Variants in CFAP54 observed in about 807,000 individuals in gnomAD.
CFAP54 encodes cilia- and flagella-associated protein 54.
Under a neutral mutation model 370.4 loss-of-function variants are expected in CFAP54, and 290 were observed. That is an observed-to-expected ratio of 0.78 (90% CI 0.71 to 0.86). The LOEUF (loss-of-function observed/expected upper bound fraction) is 0.86. Ranked by LOEUF, CFAP54 falls within the 40% of genes least tolerant of loss-of-function variation. The pLI, the probability that CFAP54 is intolerant of heterozygous loss-of-function variation, is 0.00. For missense variants in CFAP54, 3,399 were observed against 3,528.7 expected (o/e 0.96, Z 0.93); for synonymous variants, 1,206 against 1,236.5 (o/e 0.98, Z 0.52).
At chr12:96,750,162 C>G (rs116235211) in intron 55 of CFAP54, among the ~76,000 whole-genome samples, 2,580 of 152,246 alleles carry the variant, frequency 0.017, 84 homozygotes, top group African/African-American at 0.06. Context: ...GGATGCTGTC[C>G]CTGATTTTTG....
chr12:96,536,731 A>T (rs1341082454), intron 12 of CFAP54, among the ~76,000 whole-genome samples: 1 of 147,790 alleles, frequency 6.8e-6, no homozygotes, highest in Non-Finnish European at 1.5e-5. Context: ...GTTTCAAGTG[A>T]TTCTCTTGCC....
intron 60 of CFAP54, among the ~76,000 whole-genome samples, chr12:96,769,439 G>A (rs78911800): frequency 0.085 from 12,970 of 152,214 alleles, 740 homozygotes; most frequent in Admixed American, 0.15. Flanking sequence ...TGGATGGGGA[G>A]CAGGGAGCTG....
At position 96,512,979 on chromosome 12, in the gene CFAP54, C is replaced by T; in HGVS notation, c.740-7C>T. The T allele has an allele frequency of 1.3e-6, 2 of 1,505,106 alleles. No homozygotes were observed. Among genetic ancestry groups the T allele is most frequent in the Middle Eastern group, 1.7e-4 (1 of 5,922 alleles). The allele number at this position is 1,505,106 out of a possible 1,614,324, so 93.2% of individuals were successfully genotyped here. On this transcript the variant is annotated splice_polypyrimidine_tract_variant and splice_region_variant and intron_variant, in intron 4 of 67. Transcript: ENST00000524981. ...AAAACATGTTAACAATCGTTTTCTC[C>T]ATCCAGGTACCATTTATATTTACAC... is the stretch of plus-strand genomic sequence containing the variant.
intron 1 of CFAP54, 131 bp downstream of exon 1, chr12:96,490,057 G>C: frequency 1.3e-6 from 1 of 789,440 alleles, no homozygotes; most frequent in Non-Finnish European, 2.0e-6. Context: ...AAGGGCCCAG[G>C]AGAGACAAAG....
At chr12:96,622,274 T>C (rs953951158) in intron 27 of CFAP54, among the ~76,000 whole-genome samples, 4 of 152,080 alleles carry the variant, frequency 2.6e-5, no homozygotes, top group Non-Finnish European at 5.9e-5. Flanking sequence ...AACTATGTAG[T>C]TTTGTAGATC....
intron 62 of CFAP54, among the ~76,000 whole-genome samples, chr12:96,789,644 A>G (rs1386249907): frequency 6.6e-6 from 1 of 152,200 alleles, no homozygotes; most frequent in Non-Finnish European, 1.5e-5. Flanking sequence ...ATCATTACCC[A>G]TTTCCTAAAG....
At chr12:96,780,463 A>G (rs1038560888) in intron 60 of CFAP54, among the ~76,000 whole-genome samples, 1 of 152,128 alleles carries the variant, frequency 6.6e-6, no homozygotes. Context: ...TACATCTCTC[A>G]TAAATCAAGT....
chr12:96,815,666 G>A (rs1024764924), intron 64 of CFAP54, among the ~76,000 whole-genome samples: 1 of 152,084 alleles, frequency 6.6e-6, no homozygotes, highest in African/African-American at 2.4e-5. Flanking sequence ...TATTGCCTAG[G>A]TTTTCTTTTG....
In CFAP54 at chr12:96,833,502, GCGTA is replaced by G. The variant is rs1315596020; in HGVS notation, c.9171+4418_9171+4421del. On this transcript the variant is annotated intron_variant, in intron 66 of 67. Coordinates refer to ENST00000524981, the MANE Select transcript of CFAP54 (RefSeq NM_001306084.2). ...TAAATTTGCCTAATCAATTACACAC[GCGTA>G]CGTGTGTGTGTGTGTGTGTGTGTGT... is the stretch of plus-strand genomic sequence containing the variant. Among the ~76,000 whole-genome samples, 5 of 110,490 alleles carry G rather than the reference GCGTA, an allele frequency of 4.5e-5. No homozygotes were observed. In the South Asian group the frequency reaches 1.9e-3, roughly 42 times the overall value. The allele number at this position is 110,490 out of a possible 152,430, so 72.5% of individuals were successfully genotyped here.
At chr12:96,573,096 G>A in intron 19 of CFAP54, 10 of 930,636 alleles carry the variant, frequency 1.1e-5, no homozygotes, top group Non-Finnish European at 1.3e-5. Flanking sequence ...GGCCAGTGCT[G>A]CTGGTATATT....
At chr12:96,865,920 A>G (rs1392469307) in intron 67 of CFAP54, among the ~76,000 whole-genome samples, 1 of 152,112 alleles carries the variant, frequency 6.6e-6, no homozygotes, top group Non-Finnish European at 1.5e-5. Context: ...GAAACTATTA[A>G]ATTTCAATAT....
At chr12:96,799,724 TA>T (rs1349718671) in intron 63 of CFAP54, among the ~76,000 whole-genome samples, 3 of 152,226 alleles carry the variant, frequency 2.0e-5, no homozygotes, top group African/African-American at 7.2e-5. Flanking sequence ...AGATATTCCA[TA>T]TACATTTAAA....
intron 3 of CFAP54, among the ~76,000 whole-genome samples, chr12:96,504,980 T>G (rs1565877511): frequency 6.7e-6 from 1 of 148,572 alleles, no homozygotes. Flanking sequence ...TCTTTCCCTT[T>G]CTTTCTTCTT....
At chr12:96,662,086 A>G (rs1209232258) in intron 38 of CFAP54, among the ~76,000 whole-genome samples, 1 of 152,072 alleles carries the variant, frequency 6.6e-6, no homozygotes, top group Non-Finnish European at 1.5e-5. Context: ...TCCCTCTTTA[A>G]TTACTATAGA....
At chr12:96,614,703 ATTC>A (rs1956396675) in intron 26 of CFAP54, among the ~76,000 whole-genome samples, 1 of 152,252 alleles carries the variant, frequency 6.6e-6, no homozygotes, top group African/African-American at 2.4e-5. Context: ...AATCACAAGT[ATTC>A]TTATACACCA....
chr12:96,853,455 A>G (rs1161774412), intron 66 of CFAP54, among the ~76,000 whole-genome samples: 1 of 152,164 alleles, frequency 6.6e-6, no homozygotes, highest in East Asian at 1.9e-4. Flanking sequence ...GATTACATGA[A>G]TATATTCATT....
Position 96,765,111 on chromosome 12 carries a change from T to C in CFAP54, c.8174T>C (p.Ile2725Thr), listed in dbSNP as rs375032509. 2.3e-5 allele frequency: 34 copies of C among 1,491,980 alleles called. No individual in the cohort carries two copies. Among genetic ancestry groups the C allele is most frequent in the Middle Eastern group, 1.8e-4 (1 of 5,636 alleles). The allele number at this position is 1,491,980 out of a possible 1,614,324, so 92.4% of individuals were successfully genotyped here. A position where few individuals can be genotyped will look rare whatever the true frequency, so the allele number is the denominator to read the frequency against. Residue 2725 changes from isoleucine (I) to threonine (T), a missense_variant, in exon 60 of 68, where the codon ATT (isoleucine) becomes ACT (threonine). By Grantham distance (89) the Ile-to-Thr change is moderately conservative. Around this residue, in one of 3 missense-constraint regions of CFAP54, gnomAD observed 2,796 missense variants for 2,869.7 expected, o/e 0.97. Transcript: ENST00000524981. ...SEAVLAINLL[I>T]GKKNTRMHKV... ...GCTGTGCTGGCAATTAACTTACTTA[T>C]TGGAAAGAAGAATACTAGAATGCAT...
chr12:96,507,496 T>C (rs1955116512), intron 4 of CFAP54, among the ~76,000 whole-genome samples: 1 of 151,422 alleles, frequency 6.6e-6, no homozygotes, highest in South Asian at 2.1e-4. Flanking sequence ...CCTACTTTTA[T>C]TTTGAGTGAG....
Position 96,673,663 on chromosome 12 carries a change from T to C in CFAP54, c.5564-5937T>C, listed in dbSNP as rs542229459. On this transcript the variant is annotated intron_variant, in intron 39 of 67. Transcript: ENST00000524981. The stretch of plus-strand genomic sequence containing the variant: ...ACATATTTATAAGCATGTTGGGTCT[T>C]ATGTATGTCATCACCCTGATATGTT... Among the ~76,000 whole-genome samples the C allele has an allele frequency of 2.7e-4, 41 of 152,366 alleles. 1 individual carries two copies. The highest frequency in any genetic ancestry group is 2.5e-3 in the Admixed American group (39 of 15,304).
Sources: gnomAD v4.1 joint callset for allele counts (sites outside exome capture counted in the v4.1 genomes callset) on GRCh38, gnomAD v4.1.1 for gene constraint, gnomAD v4.1.1 regional missense constraint, MANE v1.5 for transcripts, NCBI Gene and HGNC (gene_info 2026-07-23, HGNC 2026-07-21) for gene names.